Variants in PBX3 observed in about 807,000 individuals in gnomAD.
PBX3 encodes the protein pre-B-cell leukemia transcription factor 3.
A neutral mutation model predicts 48.5 loss-of-function variants in PBX3; 14 were observed. The ratio of observed to expected loss-of-function variants is 0.29; its 90% CI spans 0.19 to 0.45. PBX3 has a LOEUF of 0.45. Among genes scored for constraint, PBX3 ranks in the 20% least tolerant of loss-of-function variants. The pLI, the probability that PBX3 is intolerant of heterozygous loss-of-function variation, is 1.00. For missense variants in PBX3, 386 were observed against 546.7 expected (o/e 0.71, Z 2.93); for synonymous variants, 210 against 200.3 (o/e 1.05, Z -0.41).
chr9:125,909,605 G>A (rs1447109114), intron 2 of PBX3, among the ~76,000 whole-genome samples: 1 of 152,138 alleles, frequency 6.6e-6, no homozygotes, highest in Non-Finnish European at 1.5e-5. Flanking sequence ...GCAGGGAGAA[G>A]AAGTGATCCA....
chr9:125,832,202 C>CT (rs71376115), intron 2 of PBX3, among the ~76,000 whole-genome samples: 75,497 of 147,252 alleles, frequency 0.51, 20,941 homozygotes, highest in South Asian at 0.63. Flanking sequence ...TCTTTTCTTT[C>CT]TTTTTTTTTT....
At chr9:125,812,710 T>C (rs1028787408) in intron 2 of PBX3, among the ~76,000 whole-genome samples, 10 of 152,236 alleles carry the variant, frequency 6.6e-5, no homozygotes, top group Non-Finnish European at 1.3e-4. Flanking sequence ...TCATACAGTG[T>C]TCTTACACAA....
chr9:125,783,748 C>T (rs1417048608), intron 2 of PBX3, among the ~76,000 whole-genome samples: 1 of 152,054 alleles, frequency 6.6e-6, no homozygotes, highest in African/African-American at 2.4e-5. Context: ...CCTGTAATCC[C>T]AGCACTTTGA....
intron 2 of PBX3, among the ~76,000 whole-genome samples, chr9:125,915,317 C>CT (rs1841301314): frequency 6.6e-6 from 1 of 152,014 alleles, no homozygotes; most frequent in Non-Finnish European, 1.5e-5. Flanking sequence ...TAATTATTTT[C>CT]TTTCTTTCTT....
intron 2 of PBX3, among the ~76,000 whole-genome samples, chr9:125,852,637 A>G (rs937285419): frequency 2.0e-5 from 3 of 152,174 alleles, no homozygotes; most frequent in Admixed American, 6.5e-5. Context: ...CTGTTGGCCA[A>G]TAGGCAATCT....
intron 2 of PBX3, among the ~76,000 whole-genome samples, chr9:125,887,024 T>C (rs1694138473): frequency 6.6e-6 from 1 of 152,126 alleles, no homozygotes; most frequent in Non-Finnish European, 1.5e-5. Context: ...AAAATACTAT[T>C]CTACTTTTGT....
intron 2 of PBX3, among the ~76,000 whole-genome samples, chr9:125,807,406 T>G (rs73667069): frequency 0.059 from 8,994 of 152,190 alleles, 614 homozygotes; most frequent in East Asian, 0.17. Context: ...GAAACTGATG[T>G]AGTTAGCTTT....
rs1016317216 is a variant in PBX3, at chr9:125,855,032, G to A, written c.275-60654G>A. 2.0e-5 allele frequency among the ~76,000 whole-genome samples: 3 copies of A among 152,304 alleles called. No homozygotes were observed. In the East Asian group the frequency reaches 5.8e-4, roughly 29 times the overall value. ...GATTGTATCAGCATGAGATGACTAA[G>A]TCAAATTAAGTCAGTTTAGTTTTAT... On this transcript the variant is annotated intron_variant, in intron 2 of 8. Coordinates refer to ENST00000373489, the MANE Select transcript of PBX3 (RefSeq NM_006195.6).
chr9:125,932,710 G>A (rs576269637), intron 4 of PBX3, among the ~76,000 whole-genome samples: 1 of 152,264 alleles, frequency 6.6e-6, no homozygotes, highest in African/African-American at 2.4e-5. Context: ...TAACATAATT[G>A]CTATCCTTAT....
intron 2 of PBX3, among the ~76,000 whole-genome samples, chr9:125,780,459 G>A (rs551464302): frequency 1.6e-5 from 2 of 126,130 alleles, no homozygotes; most frequent in Non-Finnish European, 3.4e-5. Flanking sequence ...CTGGCCGGGC[G>A]GGGGGCTGAC....
chr9:125,752,093 A>G (rs1836391726), intron 2 of PBX3, among the ~76,000 whole-genome samples: 1 of 152,202 alleles, frequency 6.6e-6, no homozygotes, highest in African/African-American at 2.4e-5. Flanking sequence ...TTTCCTTTTC[A>G]AATAATAGGT....
At chr9:125,767,299 C>T (rs968137837) in intron 2 of PBX3, among the ~76,000 whole-genome samples, 2 of 152,168 alleles carry the variant, frequency 1.3e-5, no homozygotes, top group Admixed American at 1.3e-4. Context: ...AAACCAATGG[C>T]ATTAAACCAA....
chr9:125,882,319 A>G (rs932698768), intron 2 of PBX3, among the ~76,000 whole-genome samples: 4 of 151,932 alleles, frequency 2.6e-5, no homozygotes, highest in Admixed American at 1.3e-4. Context: ...ACATTATTTC[A>G]GTTTTAGAAA....
chr9:125,939,340 G>A (rs1191512909), intron 5 of PBX3, among the ~76,000 whole-genome samples: 2 of 151,970 alleles, frequency 1.3e-5, no homozygotes, highest in Admixed American at 6.6e-5. Context: ...AATAGAAATG[G>A]TCAATTGTAT....
chr9:125,894,065 C>G (rs990157617), intron 2 of PBX3, among the ~76,000 whole-genome samples: 2 of 151,992 alleles, frequency 1.3e-5, no homozygotes, highest in African/African-American at 2.4e-5. Flanking sequence ...TTGCACAAAG[C>G]ATAAAACACT....
At chr9:125,920,601 A>G (rs1841437186) in intron 3 of PBX3, among the ~76,000 whole-genome samples, 1 of 152,228 alleles carries the variant, frequency 6.6e-6, no homozygotes, top group Admixed American at 6.5e-5. Context: ...TTCACTCATA[A>G]TTTACAGCTG....
intron 2 of PBX3, among the ~76,000 whole-genome samples, chr9:125,781,011 G>T: frequency 1.7e-5 from 2 of 116,394 alleles, no homozygotes; most frequent in African/African-American, 3.6e-5. Context: ...TGGCGGCCGG[G>T]CAGAGACGCT....
chr9:125,874,123 C>T (rs1457279563), intron 2 of PBX3, among the ~76,000 whole-genome samples: 1 of 152,100 alleles, frequency 6.6e-6, no homozygotes, highest in East Asian at 1.9e-4. Flanking sequence ...GGTAGAAATA[C>T]AGAAATGAGT....
Position 125,756,334 on chromosome 9 carries a change from A to G in PBX3, c.274+7711A>G, listed in dbSNP as rs1836517700. Among the ~76,000 whole-genome samples the G allele has an allele frequency of 1.3e-5, 2 of 152,150 alleles. 1 individual carries two copies. The highest frequency in any genetic ancestry group is 4.1e-4 in the South Asian group (2 of 4,836). On this transcript the variant is annotated intron_variant, in intron 2 of 8. Transcript: ENST00000373489. ...TTTCTCTATAAAGCTATTTTGTGAT[A>G]TTTCTTATATTCTGGGGAGAAATAC... is the stretch of plus-strand genomic sequence containing the variant.
Sources: allele counts gnomAD v4.1 joint callset (sites outside exome capture counted in the v4.1 genomes callset), GRCh38; gene constraint gnomAD v4.1.1; transcripts MANE v1.5; gene names NCBI Gene and HGNC (gene_info 2026-07-23, HGNC 2026-07-21).